The following SHB variants were observed in gnomAD, a reference collection of about 807,000 sequenced individuals.
SHB encodes SH2 domain-containing adapter protein B.
A neutral mutation model predicts 52.3 loss-of-function variants in SHB; 20 were observed. That is an observed-to-expected ratio of 0.38 (90% CI 0.27 to 0.56). The LOEUF (loss-of-function observed/expected upper bound fraction) is 0.56, where lower values mean the gene tolerates loss of function less well. Among genes scored for constraint, SHB ranks in the 20% least tolerant of loss-of-function variants. The probability of loss-of-function intolerance (pLI) is 0.71; values close to 1 mark genes in which losing one functional copy is unlikely to be tolerated. For synonymous variants in SHB, 397 were observed against 316.5 expected (o/e 1.25, Z -2.70); for missense variants, 825 against 723.3 (o/e 1.14, Z -1.61).
intron 1 of SHB, among the ~76,000 whole-genome samples, chr9:38,017,802 C>A (rs964271439): frequency 6.6e-6 from 1 of 152,208 alleles, no homozygotes. Context: ...TCAAATGACA[C>A]CAGGCCAGGG....
At chr9:37,928,799 A>C (rs1832279632) in intron 5 of SHB, among the ~76,000 whole-genome samples, 1 of 152,198 alleles carries the variant, frequency 6.6e-6, no homozygotes, top group African/African-American at 2.4e-5. Flanking sequence ...GAATCTGCCA[A>C]ATGGCTTGGT....
chr9:38,018,957 G>T (rs1821250138), intron 1 of SHB, among the ~76,000 whole-genome samples: 1 of 152,206 alleles, frequency 6.6e-6, no homozygotes, highest in Non-Finnish European at 1.5e-5. Context: ...CTTTTGCTTT[G>T]CTTTAAAACT....
rs564682190 is a variant in SHB, at chr9:37,946,598, A to G, written c.1346+2037T>C. ...CCCAGTGCCAGCCCGGCAGGACCTT[A>G]GTTCAAGGGCTCAGTACTTCCCCAC... is the stretch of plus-strand genomic sequence containing the variant. On this transcript the variant is annotated intron_variant, in intron 5 of 5. Transcript: ENST00000377707. 4.6e-5 allele frequency among the ~76,000 whole-genome samples: 7 copies of G among 152,276 alleles called. No homozygotes were observed. In the South Asian group the frequency reaches 1.5e-3, roughly 32 times the overall value.
chr9:38,056,662 A>G (rs1383182659), intron 1 of SHB, among the ~76,000 whole-genome samples: 1 of 152,252 alleles, frequency 6.6e-6, no homozygotes, highest in Non-Finnish European at 1.5e-5. Flanking sequence ...CATGCTCAAG[A>G]AATCATGAAG....
intron 4 of SHB, among the ~76,000 whole-genome samples, chr9:37,949,973 G>A (rs1194682626): frequency 6.6e-6 from 1 of 152,118 alleles, no homozygotes; most frequent in African/African-American, 2.4e-5. Context: ...GTCTCACCCC[G>A]TCACCCAGGC....
chr9:37,921,605 A>AT lies in SHB; in HGVS notation c.1347-1602dup, dbSNP rs1554697098. On this transcript the variant is annotated intron_variant, in intron 5 of 5. Transcript: ENST00000377707. ...GTAAAGAACTGGAATTTAAATCAAG[A>AT]TTTTTTTTAAGGCTGGCAATGTTCT... 7.9e-5 allele frequency among the ~76,000 whole-genome samples: 12 copies of AT among 152,228 alleles called. No individual in the cohort carries two copies. The East Asian group carries it at 1.7e-3, about 22-fold the overall frequency.
chr9:37,944,733 C>T (rs184421175), intron 5 of SHB, among the ~76,000 whole-genome samples: 3 of 152,306 alleles, frequency 2.0e-5, no homozygotes, highest in Admixed American at 6.5e-5. Flanking sequence ...GGCTCTCCTG[C>T]ACCTCCATGG....
At chr9:37,998,217 G>A (rs1820973370) in intron 2 of SHB, among the ~76,000 whole-genome samples, 1 of 152,072 alleles carries the variant, frequency 6.6e-6, no homozygotes, top group Non-Finnish European at 1.5e-5. Context: ...GAGGGAGGAG[G>A]GAGGAGGGAG....
intron 5 of SHB, among the ~76,000 whole-genome samples, chr9:37,926,031 G>A (rs766566561): frequency 9.2e-5 from 14 of 152,166 alleles, no homozygotes; most frequent in Non-Finnish European, 1.6e-4. Flanking sequence ...GCTTCCAACA[G>A]GGTGGAGGCA....
At chr9:37,987,094 G>C (rs1424238117) in intron 2 of SHB, among the ~76,000 whole-genome samples, 1 of 152,244 alleles carries the variant, frequency 6.6e-6, no homozygotes, top group Non-Finnish European at 1.5e-5. Context: ...TTCACCTGCA[G>C]CTCTCACAGA....
intron 5 of SHB, among the ~76,000 whole-genome samples, chr9:37,925,929 A>G (rs1832245797): frequency 1.3e-5 from 2 of 152,186 alleles, no homozygotes; most frequent in Non-Finnish European, 2.9e-5. Flanking sequence ...CTTGGGGAGC[A>G]GGGCAGCGAG....
chr9:38,067,604 G>A (rs921900544), intron 1 of SHB, among the ~76,000 whole-genome samples: 5 of 152,178 alleles, frequency 3.3e-5, no homozygotes, highest in African/African-American at 1.2e-4. Flanking sequence ...GCTCTTCGAA[G>A]TCCTAGACAG....
intron 1 of SHB, among the ~76,000 whole-genome samples, chr9:38,017,256 C>T (rs1003589059): frequency 7.2e-5 from 11 of 152,180 alleles, no homozygotes; most frequent in South Asian, 4.1e-4. Context: ...CAGTGCCACC[C>T]GGCTGCTTCT....
At chr9:38,044,158 C>T (rs1306850947) in intron 1 of SHB, among the ~76,000 whole-genome samples, 4 of 152,220 alleles carry the variant, frequency 2.6e-5, no homozygotes, top group Non-Finnish European at 5.9e-5. Context: ...GCGCTTTGTG[C>T]AGCCCAACAC....
At chr9:37,986,446 G>A (rs992505620) in intron 2 of SHB, among the ~76,000 whole-genome samples, 6 of 152,156 alleles carry the variant, frequency 3.9e-5, no homozygotes, top group African/African-American at 9.7e-5. Flanking sequence ...AGGACTAGGG[G>A]TGCAGCCACT....
chr9:37,942,330 A>G (rs1832444105), intron 5 of SHB, among the ~76,000 whole-genome samples: 1 of 152,198 alleles, frequency 6.6e-6, no homozygotes, highest in Admixed American at 6.5e-5. Flanking sequence ...TCCTTGGAGG[A>G]GATGGGACCT....
At chr9:38,014,711 G>A (rs2118074403) in intron 2 of SHB, among the ~76,000 whole-genome samples, 1 of 152,364 alleles carries the variant, frequency 6.6e-6, no homozygotes, top group South Asian at 2.1e-4. Flanking sequence ...GTGGCTAAGT[G>A]TTCTGGAGGC....
In SHB at chr9:37,955,867, G is replaced by C. The variant is rs1228083140; in HGVS notation, c.1226+16C>G. 9 of 1,608,232 alleles carry C rather than the reference G, an allele frequency of 5.6e-6. No homozygotes were observed. The Admixed American group carries it at 6.7e-5, about 12-fold the overall frequency. On this transcript the variant is annotated intron_variant, in intron 4 of 5. Coordinates refer to ENST00000377707, the MANE Select transcript of SHB (RefSeq NM_003028.3). The stretch of plus-strand genomic sequence containing the variant: ...GAACTGGGAGGTGAGGTTGGGCTTT[G>C]CTCCCAAGAACTTACATTTGCTTCT...
At chr9:38,065,487 C>A (rs1355535392) in intron 1 of SHB, among the ~76,000 whole-genome samples, 1 of 152,166 alleles carries the variant, frequency 6.6e-6, no homozygotes, top group Non-Finnish European at 1.5e-5. Context: ...CTCAGGTCCC[C>A]CACCAGGCAT....
Sources: gnomAD v4.1 joint callset for allele counts (sites outside exome capture counted in the v4.1 genomes callset) on GRCh38, gnomAD v4.1.1 for gene constraint, MANE v1.5 for transcripts, NCBI Gene and HGNC (gene_info 2026-07-23, HGNC 2026-07-21) for gene names.